The following MANBA variants were observed in gnomAD, a reference collection of about 807,000 sequenced individuals.
MANBA encodes beta-mannosidase.
A neutral mutation model predicts 111.1 loss-of-function variants in MANBA; 83 were observed. The ratio of observed to expected loss-of-function variants is 0.75; its 90% CI spans 0.63 to 0.90. The LOEUF (loss-of-function observed/expected upper bound fraction) is 0.90. MANBA is among the 40% of genes least tolerant of loss of function. The pLI, the probability that MANBA is intolerant of heterozygous loss-of-function variation, is 0.00. For missense variants in MANBA, 1,036 were observed against 1,069.0 expected (o/e 0.97, Z 0.43); for synonymous variants, 370 against 378.7 (o/e 0.98, Z 0.27).
At position 102,669,004 on chromosome 4, in the gene MANBA, G is replaced by C. The variant is rs121434336; in HGVS notation, c.1276C>G (p.Gln426Glu). ...GCTGTCACTGAATCCAGGAAGCCCT[G>C]ATCAGTTGGATAAAGGGCACAGGCA... The part of the protein sequence containing the change: ...MFACALYPTD[Q>E]GFLDSVTAEV... The change falls in exon 10 of 17, where the codon CAG (glutamine) becomes GAG (glutamate). Residue 426 changes from glutamine (Q) to glutamate (E), a missense_variant. By Grantham distance (29) the Gln-to-Glu change is conservative. Transcript: ENST00000647097. 19 of 1,613,786 alleles carry C rather than the reference G, an allele frequency of 1.2e-5. 1 individual carries two copies. In the South Asian group the frequency reaches 1.9e-4, roughly 16 times the overall value.
At chr4:102,655,258 T>A (rs1730510101) in intron 12 of MANBA, among the ~76,000 whole-genome samples, 2 of 152,044 alleles carry the variant, frequency 1.3e-5, no homozygotes, top group South Asian at 4.2e-4. Flanking sequence ...ATCAACAGAT[T>A]CAACATAATC....
chr4:102,727,057 A>G (rs372710937), intron 1 of MANBA, among the ~76,000 whole-genome samples: 1 of 152,186 alleles, frequency 6.6e-6, no homozygotes, highest in East Asian at 1.9e-4. Context: ...GATTACAGGC[A>G]TGAGCCATCA....
At chr4:102,648,350 C>A (rs534284478) in intron 13 of MANBA, among the ~76,000 whole-genome samples, 5 of 151,898 alleles carry the variant, frequency 3.3e-5, no homozygotes, top group African/African-American at 7.3e-5. Context: ...ATGAACCTGA[C>A]GAATGGATAA....
At chr4:102,652,612 C>T (rs988050229) in intron 12 of MANBA, among the ~76,000 whole-genome samples, 1 of 152,052 alleles carries the variant, frequency 6.6e-6, no homozygotes, top group African/African-American at 2.4e-5. Flanking sequence ...AAAACCCGGC[C>T]GGATGCAGTG....
intron 13 of MANBA, among the ~76,000 whole-genome samples, chr4:102,648,005 G>A (rs1730175697): frequency 6.6e-6 from 1 of 151,824 alleles, no homozygotes; most frequent in African/African-American, 2.4e-5. Context: ...TTTATTATTG[G>A]GATTAGGCTT....
intron 1 of MANBA, among the ~76,000 whole-genome samples, chr4:102,760,491 T>A (rs1437169733): frequency 6.6e-6 from 1 of 152,140 alleles, no homozygotes; most frequent in Non-Finnish European, 1.5e-5. Context: ...AACTTCCCCT[T>A]TCCAGAGTTA....
At chr4:102,639,645 G>T in intron 14 of MANBA, 68 bp downstream of exon 14, 3 of 1,599,432 alleles carry the variant, frequency 1.9e-6, no homozygotes, top group Non-Finnish European at 1.7e-6. Flanking sequence ...CCAGCACTGT[G>T]CTTTCTCAGT....
chr4:102,673,808 C>T (rs1249166083), intron 8 of MANBA, 111 bp downstream of exon 8: 5 of 971,482 alleles, frequency 5.1e-6, no homozygotes, highest in African/African-American at 4.9e-5. Flanking sequence ...GAATTCTATA[C>T]TACCTCTTAG....
chr4:102,739,174 T>C (rs1178945992), intron 1 of MANBA, among the ~76,000 whole-genome samples: 2 of 152,182 alleles, frequency 1.3e-5, no homozygotes, highest in African/African-American at 4.8e-5. Context: ...ACTATGAACA[T>C]CTTTATGTGC....
At chr4:102,697,601 T>C (rs1578912366) in intron 5 of MANBA, among the ~76,000 whole-genome samples, 2 of 147,124 alleles carry the variant, frequency 1.4e-5, no homozygotes, top group East Asian at 2.1e-4. Context: ...AGTGAGAATA[T>C]GCGGTGTTTG....
intron 3 of MANBA, 105 bp from the exon 4 acceptor site, chr4:102,723,146 G>A (rs969764568): frequency 1.2e-5 from 12 of 1,023,978 alleles, no homozygotes; most frequent in East Asian, 1.0e-4. Flanking sequence ...ATATAATGCC[G>A]ATCTAGGTTT....
intron 1 of MANBA, among the ~76,000 whole-genome samples, chr4:102,727,072 C>T (rs147224982): frequency 2.6e-5 from 4 of 152,282 alleles, no homozygotes; most frequent in African/African-American, 7.2e-5. Flanking sequence ...CCATCATGTC[C>T]GGCCTACAGT....
At chr4:102,704,484 A>G (rs1385962315) in intron 5 of MANBA, among the ~76,000 whole-genome samples, 2 of 152,104 alleles carry the variant, frequency 1.3e-5, no homozygotes, top group Non-Finnish European at 2.9e-5. Context: ...ATTAGTTTTG[A>G]CCCACCTCAT....
intron 1 of MANBA, among the ~76,000 whole-genome samples, chr4:102,756,797 T>TAAAAAAAAAAAAAAAAAAAA (rs35787338): frequency 1.4e-5 from 1 of 72,006 alleles, no homozygotes. Flanking sequence ...AGAGACTATC[T>TAAAAAAAAAAAAAAAAAAAA]AAAAAAAAAA....
chr4:102,672,048 G>A, intron 8 of MANBA: 1 of 398,712 alleles, frequency 2.5e-6, no homozygotes, highest in East Asian at 3.6e-5. Flanking sequence ...AGCCAACCCA[G>A]CCCCAGCTGG....
intron 8 of MANBA, among the ~76,000 whole-genome samples, chr4:102,672,300 A>G (rs1731531409): frequency 6.6e-6 from 1 of 152,226 alleles, no homozygotes; most frequent in Admixed American, 6.5e-5. Flanking sequence ...AATGTTATTT[A>G]ATTTAGATAA....
At chr4:102,696,216 A>G (rs1160795972) in intron 5 of MANBA, among the ~76,000 whole-genome samples, 1 of 152,144 alleles carries the variant, frequency 6.6e-6, no homozygotes, top group East Asian at 1.9e-4. Flanking sequence ...ACAGCATGAG[A>G]CTTTGTCTCA....
chr4:102,672,931 T>G (rs77084614), intron 8 of MANBA, among the ~76,000 whole-genome samples: 9,650 of 152,266 alleles, frequency 0.063, 975 homozygotes, highest in African/African-American at 0.22. Flanking sequence ...CTGTCCTACG[T>G]AGTTATCCAC....
chr4:102,707,439 T>C (rs954557215), intron 5 of MANBA, among the ~76,000 whole-genome samples: 3 of 152,184 alleles, frequency 2.0e-5, no homozygotes, highest in Non-Finnish European at 2.9e-5. Flanking sequence ...AAGGGAGTTC[T>C]ACATATGGAA....
Sources: gnomAD v4.1 joint callset for allele counts (sites outside exome capture counted in the v4.1 genomes callset) on GRCh38, gnomAD v4.1.1 for gene constraint, MANE v1.5 for transcripts, NCBI Gene and HGNC (gene_info 2026-07-23, HGNC 2026-07-21) for gene names.